Variants in DHRS12 observed in about 807,000 individuals in gnomAD.
The protein encoded by DHRS12 is dehydrogenase/reductase SDR family member 12.
DHRS12 carries 29 observed loss-of-function variants against 32.1 expected under a neutral mutation model. The ratio of observed to expected loss-of-function variants is 0.90; its 90% CI spans 0.67 to 1.23. The LOEUF (loss-of-function observed/expected upper bound fraction) is 1.23, where lower values mean the gene tolerates loss of function less well. Among genes scored for constraint, DHRS12 ranks in the 50% most tolerant of loss-of-function variants. The pLI is 0.00. For synonymous variants in DHRS12, 150 were observed against 135.9 expected, an observed-to-expected ratio of 1.10 and a Z score of -0.72; for missense variants, 330 against 337.2, an observed-to-expected ratio of 0.98 and a Z score of 0.17.
At chr13:51,791,050 A>T in intron 3 of DHRS12, 115 bp downstream of exon 3, 1 of 627,254 alleles carries the variant, frequency 1.6e-6, no homozygotes, top group Non-Finnish European at 2.6e-6. Context: ...AGCATAAGAG[A>T]GTCTTACTAA....
At position 51,771,898 on chromosome 13, in the gene DHRS12, A is replaced by C. The variant is rs776360089; in HGVS notation, c.482T>G (p.Val161Gly). ...VYAQNKRQQVVLTERWAQGHP... is the reference protein window; with the variant it reads ...VYAQNKRQQVGLTERWAQGHP... ...CCCTTGGGCCCACCGCTCCGTCAGA[A>C]CCACTTGCTGCCTCTGGACAGGAAG... Residue 161 changes from valine (V) to glycine (G), a missense_variant, in exon 7 of 9, where the codon GTT (valine) becomes GGT (glycine). Coordinates refer to ENST00000444610, the MANE Select transcript of DHRS12 (RefSeq NM_001377533.1). 2 of 1,614,116 alleles carry C rather than the reference A, an allele frequency of 1.2e-6. No homozygotes were observed. The highest frequency in any genetic ancestry group is 1.7e-6 in the Non-Finnish European group (2 of 1,180,010).
chr13:51,763,595 C>G (rs1953656282), downstream of DHRS12: 1 of 152,234 alleles, frequency 6.6e-6, no homozygotes, highest in South Asian at 2.1e-4. Context: ...CCCAGGAGTT[C>G]AAGACCAGCC....
chr13:51,768,363 G>A, intron 8 of DHRS12, 67 bp from the exon 9 acceptor site: 1 of 1,531,804 alleles, frequency 6.5e-7, no homozygotes, highest in Non-Finnish European at 8.7e-7. Flanking sequence ...ATGTCCCTGT[G>A]CTGCTCAGGC....
chr13:51,800,358 CTG>C (rs1194298946), intron 1 of DHRS12, among the ~76,000 whole-genome samples: 3 of 152,210 alleles, frequency 2.0e-5, no homozygotes, highest in African/African-American at 7.2e-5. Flanking sequence ...AGTTCTTTAA[CTG>C]TTTCTTTTTC....
chr13:51,779,164 C>A (rs1001188332), intron 4 of DHRS12, among the ~76,000 whole-genome samples: 1 of 152,082 alleles, frequency 6.6e-6, no homozygotes, highest in African/African-American at 2.4e-5. Context: ...GCCAGTTGCT[C>A]CTTGCCCAGC....
At chr13:51,783,118 G>A (rs538144301) in intron 4 of DHRS12, among the ~76,000 whole-genome samples, 9 of 152,154 alleles carry the variant, frequency 5.9e-5, no homozygotes, top group Admixed American at 3.9e-4. Flanking sequence ...GCAGAAAACC[G>A]AAAATCAATG....
chr13:51,772,914 G>C (rs913529699), intron 6 of DHRS12: 1 of 985,454 alleles, frequency 1.0e-6, no homozygotes, highest in Non-Finnish European at 1.2e-6. Context: ...GCACACCCAG[G>C]GCATATAAAC....
At chr13:51,768,835 C>G in intron 8 of DHRS12, 1 of 1,316,264 alleles carries the variant, frequency 7.6e-7, no homozygotes, top group Non-Finnish European at 9.7e-7. Flanking sequence ...CTTTGCAGTG[C>G]AGCTTTGAAT....
chr13:51,802,961 G>A (rs774542718), intron 1 of DHRS12, among the ~76,000 whole-genome samples: 2 of 152,226 alleles, frequency 1.3e-5, no homozygotes, highest in Non-Finnish European at 2.9e-5. Flanking sequence ...ACTGACTTAA[G>A]CTTTCATGCT....
chr13:51,772,642 C>T (rs1189304141), intron 6 of DHRS12: 2 of 985,292 alleles, frequency 2.0e-6, no homozygotes, highest in Non-Finnish European at 1.2e-6. Context: ...GTACTAGACA[C>T]AGAGAATACA....
chr13:51,767,891 C>T (rs1953820581), downstream of DHRS12: 1 of 795,722 alleles, frequency 1.3e-6, no homozygotes, highest in South Asian at 2.8e-5. Flanking sequence ...ACCCCTGCGT[C>T]CCCTAAGACT....
At chr13:51,770,949 C>T (rs1428678936) in intron 7 of DHRS12, 7 of 1,301,862 alleles carry the variant, frequency 5.4e-6, no homozygotes, top group Non-Finnish European at 6.8e-6. Context: ...TTTTCCCTAT[C>T]TTTATTTCTT....
At chr13:51,755,525 A>G in the DHRS12 span, 1 of 1,485,682 alleles carries the variant, frequency 6.7e-7, no homozygotes, top group South Asian at 1.1e-5. Flanking sequence ...GTGATCTTAG[A>G]AGAAATAACA....
intron 4 of DHRS12, among the ~76,000 whole-genome samples, chr13:51,786,095 G>A (rs1032851162): frequency 3.3e-5 from 5 of 152,206 alleles, no homozygotes; most frequent in Admixed American, 1.3e-4. Context: ...AGGGTGCCAC[G>A]TAACAGAATG....
intron 8 of DHRS12, 100 bp from the exon 9 acceptor site, chr13:51,768,396 T>A: frequency 6.6e-7 from 1 of 1,508,012 alleles, no homozygotes; most frequent in Non-Finnish European, 8.8e-7. Flanking sequence ...CCTGCTGGAG[T>A]GGCAGCACCC....
intron 4 of DHRS12, among the ~76,000 whole-genome samples, chr13:51,780,763 A>G (rs1389433641): frequency 6.6e-6 from 1 of 152,238 alleles, no homozygotes; most frequent in East Asian, 1.9e-4. Context: ...AGCACTGCGA[A>G]ACCCATGTCT....
chr13:51,794,121 G>A (rs1955402594), intron 2 of DHRS12, among the ~76,000 whole-genome samples: 2 of 152,182 alleles, frequency 1.3e-5, no homozygotes, highest in Non-Finnish European at 2.9e-5. Context: ...GAAGGAACTG[G>A]AAACAGGTGC....
the DHRS12 span, chr13:51,758,142 T>C: frequency 6.9e-7 from 1 of 1,448,054 alleles, no homozygotes; most frequent in Non-Finnish European, 9.5e-7. Context: ...ATCTCTCTCA[T>C]TCATATGTCA....
At chr13:51,803,975 T>C in intron 1 of DHRS12, 79 bp downstream of exon 1, 1 of 1,257,174 alleles carries the variant, frequency 8.0e-7, no homozygotes. Flanking sequence ...CGCGGGCGCG[T>C]CCCCGCCAAC....
Sources: gnomAD v4.1 joint callset for allele counts (sites outside exome capture counted in the v4.1 genomes callset) on GRCh38, gnomAD v4.1.1 for gene constraint, MANE v1.5 for transcripts, NCBI Gene and HGNC (gene_info 2026-07-23, HGNC 2026-07-21) for gene names.